NAALADL2: variants seen among roughly 807,000 people sequenced by gnomAD.
NAALADL2 encodes inactive N-acetylated-alpha-linked acidic dipeptidase-like protein 2.
NAALADL2 carries 76 observed loss-of-function variants against 87.2 expected under a neutral mutation model. The observed-to-expected ratio is 0.87, with a 90% CI of 0.72 to 1.05. The LOEUF (loss-of-function observed/expected upper bound fraction) is 1.05. Among genes scored for constraint, NAALADL2 ranks in the 50% least tolerant of loss-of-function variants. NAALADL2 has a pLI of 0.00. For missense variants in NAALADL2, 1,089 were observed against 945.8 expected, an observed-to-expected ratio of 1.15 and a Z score of -1.99; for synonymous variants, 354 against 331.0, an observed-to-expected ratio of 1.07 and a Z score of -0.75.
intron 1 of NAALADL2, among the ~76,000 whole-genome samples, chr3:174,548,724 T>C (rs1270388679): frequency 2.0e-5 from 3 of 152,234 alleles, no homozygotes; most frequent in Non-Finnish European, 4.4e-5. Flanking sequence ...GAAAAGGCAC[T>C]GACTCCTATC....
intron 2 of NAALADL2, among the ~76,000 whole-genome samples, chr3:174,717,690 A>G (rs1450358996): frequency 6.6e-6 from 1 of 152,222 alleles, no homozygotes; most frequent in African/African-American, 2.4e-5. Flanking sequence ...TCAAATGCTC[A>G]TGATTTCCTT....
chr3:174,594,665 T>G (rs1717702508), intron 2 of NAALADL2, among the ~76,000 whole-genome samples: 2 of 152,220 alleles, frequency 1.3e-5, no homozygotes, highest in Admixed American at 1.3e-4. Context: ...CAGATCTGGC[T>G]GCTAGTAAGA....
chr3:174,797,859 G>A (rs557203582), intron 3 of NAALADL2, among the ~76,000 whole-genome samples: 5 of 152,188 alleles, frequency 3.3e-5, no homozygotes, highest in South Asian at 2.1e-4. Context: ...AAGCACAAAT[G>A]TTGTAAATTT....
chr3:175,412,686 G>A (rs920890263), intron 5 of NAALADL2, among the ~76,000 whole-genome samples: 13 of 151,672 alleles, frequency 8.6e-5, no homozygotes, highest in Admixed American at 2.6e-4. Flanking sequence ...GCTCAAATGG[G>A]TCTTATCTCA....
intron 3 of NAALADL2, among the ~76,000 whole-genome samples, chr3:174,787,069 A>G (rs890474764): frequency 2.0e-5 from 3 of 151,872 alleles, no homozygotes; most frequent in Non-Finnish European, 4.4e-5. Context: ...ATTTATTGCA[A>G]TATAATAAAA....
chr3:174,703,340 G>A (rs1312975773), intron 2 of NAALADL2, among the ~76,000 whole-genome samples: 2 of 147,974 alleles, frequency 1.4e-5, no homozygotes, highest in Non-Finnish European at 3.0e-5. Flanking sequence ...GTCTCACTAT[G>A]TTATCTAGAG....
chr3:174,445,642 T>A (rs1201678621), intron 1 of NAALADL2, among the ~76,000 whole-genome samples: 1 of 152,298 alleles, frequency 6.6e-6, no homozygotes, highest in Middle Eastern at 3.4e-3. Flanking sequence ...ATATAACTAT[T>A]AGATGTCGGC....
chr3:174,676,164 C>A (rs1727014548), intron 2 of NAALADL2, among the ~76,000 whole-genome samples: 1 of 151,800 alleles, frequency 6.6e-6, no homozygotes, highest in African/African-American at 2.4e-5. Flanking sequence ...GGTAATTGAC[C>A]AATTGTGAAG....
intron 2 of NAALADL2, among the ~76,000 whole-genome samples, chr3:174,728,178 A>G (rs1300178582): frequency 2.0e-5 from 3 of 152,078 alleles, no homozygotes; most frequent in Non-Finnish European, 2.9e-5. Context: ...TGCTATAAGC[A>G]TCCATGTTCA....
At chr3:174,617,353 C>T (rs1379587327) in intron 2 of NAALADL2, among the ~76,000 whole-genome samples, 1 of 151,524 alleles carries the variant, frequency 6.6e-6, no homozygotes, top group Non-Finnish European at 1.5e-5. Flanking sequence ...GAAAATATAT[C>T]ATAAATTTAG....
intron 9 of NAALADL2, among the ~76,000 whole-genome samples, chr3:175,563,840 T>C (rs62288396): frequency 0.13 from 19,676 of 152,140 alleles, 1,369 homozygotes; most frequent in Middle Eastern, 0.17. Flanking sequence ...GGGTGTGAGC[T>C]ACGGGTAGTA....
chr3:175,647,941 A>G (rs1730232524), intron 11 of NAALADL2, among the ~76,000 whole-genome samples: 1 of 152,202 alleles, frequency 6.6e-6, no homozygotes, highest in Admixed American at 6.5e-5. Flanking sequence ...TTACTTTACA[A>G]GGTTGATTTG....
intron 1 of NAALADL2, among the ~76,000 whole-genome samples, chr3:175,070,958 C>T (rs1360217144): frequency 6.6e-6 from 1 of 152,006 alleles, no homozygotes; most frequent in African/African-American, 2.4e-5. Context: ...CATACGATCT[C>T]AGTGTTATAA....
chr3:175,762,458 G>C (rs1336204755), intron 13 of NAALADL2, among the ~76,000 whole-genome samples: 2 of 152,062 alleles, frequency 1.3e-5, no homozygotes, highest in Non-Finnish European at 2.9e-5. Flanking sequence ...CTTCTTAAAT[G>C]ATCTGCAGCA....
At chr3:175,261,111 C>T (rs567515411) in intron 4 of NAALADL2, among the ~76,000 whole-genome samples, 5 of 152,144 alleles carry the variant, frequency 3.3e-5, no homozygotes, top group African/African-American at 7.2e-5. Context: ...ATTTTAGCTA[C>T]GTATTTATAA....
intron 9 of NAALADL2, among the ~76,000 whole-genome samples, chr3:175,486,474 AT>A (rs1433307770): frequency 6.6e-6 from 1 of 152,116 alleles, no homozygotes; most frequent in African/African-American, 2.4e-5. Flanking sequence ...TCCTTCAGCA[AT>A]TTTGGCTTCA....
chr3:175,276,647 A>G (rs945479174), intron 4 of NAALADL2, among the ~76,000 whole-genome samples: 1 of 152,194 alleles, frequency 6.6e-6, no homozygotes, highest in African/African-American at 2.4e-5. Context: ...GCTTATGGCA[A>G]GAAAGTAATT....
intron 1 of NAALADL2, among the ~76,000 whole-genome samples, chr3:174,869,549 A>T (rs1486690618): frequency 6.6e-6 from 1 of 152,172 alleles, no homozygotes; most frequent in Non-Finnish European, 1.5e-5. Context: ...GATTACAGAG[A>T]GTCGGTAATG....
intron 3 of NAALADL2, among the ~76,000 whole-genome samples, chr3:174,765,152 G>C (rs1160492640): frequency 1.3e-5 from 2 of 150,668 alleles, no homozygotes; most frequent in Non-Finnish European, 3.0e-5. Context: ...ACGAGAGAGA[G>C]AGAGAGAGAG....
Sources: gnomAD v4.1 joint callset for allele counts (sites outside exome capture counted in the v4.1 genomes callset) on GRCh38, gnomAD v4.1.1 for gene constraint, MANE v1.5 for transcripts, NCBI Gene and HGNC (gene_info 2026-07-23, HGNC 2026-07-21) for gene names.